RSRC1: variants seen among roughly 807,000 people sequenced by gnomAD.
RSRC1 encodes the protein serine/Arginine-related protein 53.
Under a neutral mutation model 49.1 loss-of-function variants are expected in RSRC1, and 39 were observed. The ratio of observed to expected loss-of-function variants is 0.79; its 90% CI spans 0.61 to 1.04. RSRC1 has a LOEUF of 1.04. RSRC1 is among the 50% of genes least tolerant of loss of function. The pLI is 0.00. For missense variants in RSRC1, 388 were observed against 402.4 expected (o/e 0.96, Z 0.31); for synonymous variants, 143 against 130.8 (o/e 1.09, Z -0.63).
intron 6 of RSRC1, among the ~76,000 whole-genome samples, chr3:158,405,834 G>A (rs930365355): frequency 3.3e-5 from 5 of 152,030 alleles, no homozygotes; most frequent in Admixed American, 2.0e-4. Context: ...AGTAATGCCC[G>A]TAAATGAATC....
chr3:158,425,923 A>C (rs899739113), intron 6 of RSRC1, among the ~76,000 whole-genome samples: 9 of 151,826 alleles, frequency 5.9e-5, no homozygotes, highest in South Asian at 2.1e-4. Context: ...ATAAGATTCT[A>C]TGAAAAAACT....
chr3:158,545,219 T>TTTTTTTTTTTTG lies in RSRC1; in HGVS notation c.*944_*945insTTTTTTTTTTTG, dbSNP rs1713277717. 7.2e-6 allele frequency: 1 copy of TTTTTTTTTTTTG among 138,836 alleles called. No individual in the cohort carries two copies. The highest frequency in any genetic ancestry group is 1.5e-5 in the Non-Finnish European group (1 of 65,398). 8.6% of individuals were successfully genotyped at this position (138,836 alleles called of 1,614,324 possible). A position where few individuals can be genotyped will look rare whatever the true frequency, so the allele number is the denominator to read the frequency against. On this transcript the variant is annotated 3_prime_UTR_variant, in exon 10 of 10. Coordinates refer to ENST00000611884, the MANE Select transcript of RSRC1 (RefSeq NM_001271838.2). ...TTTTTTTTTTTTTTTTTTTTTTTTT[T>TTTTTTTTTTTTG]GAGACGGAGTCTCGCTCTATCCCCC...
intron 5 of RSRC1, among the ~76,000 whole-genome samples, chr3:158,339,010 G>A (rs1730073649): frequency 6.6e-6 from 1 of 152,064 alleles, no homozygotes; most frequent in African/African-American, 2.4e-5. Flanking sequence ...AATGATACTA[G>A]GGCCGGGCGC....
chr3:158,375,188 T>C (rs2108272027), intron 6 of RSRC1, among the ~76,000 whole-genome samples: 1 of 98,556 alleles, frequency 1.0e-5, no homozygotes, highest in South Asian at 3.2e-4. Flanking sequence ...TTATTATTAT[T>C]ATTATTATTA....
chr3:158,158,064 A>G (rs1484203456), intron 3 of RSRC1, among the ~76,000 whole-genome samples: 3 of 152,218 alleles, frequency 2.0e-5, no homozygotes, highest in Non-Finnish European at 4.4e-5. Context: ...TAATTTGTAG[A>G]ATATTTATGA....
At chr3:158,114,907 TGATTAGGTTTTCTA>T (rs1235098267) in intron 1 of RSRC1, among the ~76,000 whole-genome samples, 1 of 152,162 alleles carries the variant, frequency 6.6e-6, no homozygotes, top group Non-Finnish European at 1.5e-5. Flanking sequence ...TGAGCTGAGA[TGATTAGGTTTTCTA>T]GATATAGGAT....
At chr3:158,111,123 A>G (rs1198875040) in intron 1 of RSRC1, among the ~76,000 whole-genome samples, 2 of 152,260 alleles carry the variant, frequency 1.3e-5, no homozygotes, top group Admixed American at 6.5e-5. Context: ...GATGTATTAT[A>G]AAAGTTCTAA....
intron 5 of RSRC1, among the ~76,000 whole-genome samples, chr3:158,338,461 G>A (rs996189198): frequency 2.0e-5 from 3 of 152,148 alleles, no homozygotes; most frequent in Non-Finnish European, 4.4e-5. Flanking sequence ...ATGAAATGTA[G>A]CTAGAAATAT....
At chr3:158,113,829 G>A (rs1248531613) in intron 1 of RSRC1, among the ~76,000 whole-genome samples, 2 of 151,920 alleles carry the variant, frequency 1.3e-5, no homozygotes, top group South Asian at 2.1e-4. Context: ...CATGTTCTTT[G>A]CCCATTTTTT....
At chr3:158,470,419 T>C (rs1738087270) in intron 7 of RSRC1, among the ~76,000 whole-genome samples, 1 of 151,506 alleles carries the variant, frequency 6.6e-6, no homozygotes, top group Admixed American at 6.6e-5. Flanking sequence ...CTTGAAAGTG[T>C]ATATAAGTTT....
intron 4 of RSRC1, among the ~76,000 whole-genome samples, chr3:158,287,390 A>G (rs1031776091): frequency 6.6e-6 from 1 of 152,184 alleles, no homozygotes; most frequent in Admixed American, 6.5e-5. Flanking sequence ...ATGATTAAAT[A>G]GTGGAGATGA....
chr3:158,380,672 A>T (rs373600176), intron 6 of RSRC1, among the ~76,000 whole-genome samples: 4 of 152,222 alleles, frequency 2.6e-5, no homozygotes. Context: ...AAAAATCAAC[A>T]TGATGGGTAT....
At chr3:158,210,539 T>C (rs1286880555) in intron 4 of RSRC1, among the ~76,000 whole-genome samples, 1 of 151,742 alleles carries the variant, frequency 6.6e-6, no homozygotes. Flanking sequence ...TACATCTTTA[T>C]ATACATGTGT....
chr3:158,246,525 C>T (rs1299328488), intron 4 of RSRC1, among the ~76,000 whole-genome samples: 1 of 152,078 alleles, frequency 6.6e-6, no homozygotes, highest in East Asian at 1.9e-4. Flanking sequence ...AATAGTTTGT[C>T]CTTTCCATAT....
chr3:158,137,587 A>C (rs1321091105), intron 3 of RSRC1, among the ~76,000 whole-genome samples: 1 of 151,946 alleles, frequency 6.6e-6, no homozygotes, highest in Non-Finnish European at 1.5e-5. Flanking sequence ...TAGATTCAGA[A>C]TACTGAAGTT....
chr3:158,328,489 A>G (rs879665152), intron 5 of RSRC1, among the ~76,000 whole-genome samples: 6 of 152,068 alleles, frequency 3.9e-5, no homozygotes, highest in Non-Finnish European at 8.8e-5. Context: ...TCCTTCACTT[A>G]TGAAGCTTAT....
intron 7 of RSRC1, among the ~76,000 whole-genome samples, chr3:158,499,197 G>A (rs1024888496): frequency 6.6e-6 from 1 of 152,094 alleles, no homozygotes; most frequent in Non-Finnish European, 1.5e-5. Flanking sequence ...CTAGCATAGT[G>A]AAATCCTGTC....
At chr3:158,243,241 G>A (rs1415622257) in intron 4 of RSRC1, among the ~76,000 whole-genome samples, 1 of 152,116 alleles carries the variant, frequency 6.6e-6, no homozygotes, top group Non-Finnish European at 1.5e-5. Context: ...TGTAAAGAAG[G>A]GGTCCCATTT....
At chr3:158,361,866 C>T (rs566835873) in intron 6 of RSRC1, among the ~76,000 whole-genome samples, 1 of 152,256 alleles carries the variant, frequency 6.6e-6, no homozygotes, top group East Asian at 1.9e-4. Flanking sequence ...ACAAGATTTC[C>T]ACATCTTTTC....
Sources: gnomAD v4.1 joint callset for allele counts (sites outside exome capture counted in the v4.1 genomes callset) on GRCh38, gnomAD v4.1.1 for gene constraint, MANE v1.5 for transcripts, NCBI Gene and HGNC (gene_info 2026-07-23, HGNC 2026-07-21) for gene names.